Variants in TUBGCP2 observed in about 807,000 individuals in gnomAD.
TUBGCP2 encodes the protein gamma-tubulin complex component 2.
Under a neutral mutation model 92.2 loss-of-function variants are expected in TUBGCP2, and 55 were observed. The ratio of observed to expected loss-of-function variants is 0.60; its 90% CI spans 0.48 to 0.75. The LOEUF is 0.75. TUBGCP2 is among the 30% of genes least tolerant of loss of function. The pLI is 0.00. For synonymous variants in TUBGCP2, 533 were observed against 505.2 expected (o/e 1.06, Z -0.74); for missense variants, 1,093 against 1,188.9 (o/e 0.92, Z 1.19).
chr10:133,307,226 A>G (rs1179938088), intron 1 of TUBGCP2, among the ~76,000 whole-genome samples: 3 of 152,164 alleles, frequency 2.0e-5, no homozygotes, highest in Non-Finnish European at 2.9e-5. Context: ...ACACAAACTG[A>G]CAGGCCCAGC....
intron 16 of TUBGCP2, 186 bp from the exon 17 acceptor site, chr10:133,281,622 G>T: frequency 2.5e-6 from 2 of 785,674 alleles, no homozygotes; most frequent in Non-Finnish European, 3.9e-6. Flanking sequence ...TGAGAACCCA[G>T]CACTCAGAGA....
At chr10:133,307,480 A>G (rs1267153977) in intron 1 of TUBGCP2, among the ~76,000 whole-genome samples, 3 of 152,260 alleles carry the variant, frequency 2.0e-5, no homozygotes, top group Non-Finnish European at 4.4e-5. Flanking sequence ...CTTGTGGAAA[A>G]TGTCAAGAGC....
At chr10:133,299,924 G>A (rs754712185) in intron 3 of TUBGCP2, 61 bp downstream of exon 3, 14 of 1,592,216 alleles carry the variant, frequency 8.8e-6, no homozygotes, top group East Asian at 2.2e-5. Context: ...AGCAGGAGAC[G>A]CGACCCCACT....
Position 133,298,122 on chromosome 10 carries a change from C to G in TUBGCP2, c.457-11G>C, listed in dbSNP as rs1433975695. 1.9e-6 allele frequency: 3 copies of G among 1,609,188 alleles called. No individual in the cohort carries two copies. In the African/African-American group the frequency reaches 4.0e-5, roughly 22 times the overall value. On this transcript the variant is annotated splice_polypyrimidine_tract_variant and intron_variant, in intron 4 of 17. Transcript: ENST00000252936. ...TTTAAGTTCCAGAGACTAGCAAGGA[C>G]ATTTTAAAAAACAAAACCAGAAAGA...
intron 1 of TUBGCP2, among the ~76,000 whole-genome samples, chr10:133,307,873 G>A (rs1365684080): frequency 5.3e-5 from 8 of 152,220 alleles, no homozygotes; most frequent in Non-Finnish European, 7.3e-5. Flanking sequence ...CTTGCTCGTG[G>A]GCTACAAACC....
At position 133,283,212 on chromosome 10, in the gene TUBGCP2, T is replaced by C. The variant is rs1218655780; in HGVS notation, c.2155A>G (p.Ile719Val). The C allele has an allele frequency of 1.2e-6, 2 of 1,614,138 alleles. No individual in the cohort carries two copies. Among genetic ancestry groups the C allele is most frequent in the Middle Eastern group, 1.6e-4 (1 of 6,062 alleles). Residue 719 changes from isoleucine to valine, a missense_variant, in exon 15 of 18, where the codon ATT becomes GTT. Ile to Val is a conservative substitution (Grantham distance 29). This residue lies in a region of TUBGCP2 where 598 missense variants were observed against 675.5 expected (regional missense o/e 0.89). Coordinates refer to ENST00000252936, the MANE Select transcript of TUBGCP2 (RefSeq NM_006659.4). ...GTGTGGTGGCCAAGGACGTCGTCAA[T>C]GTTGGAGGCCTGCGGGGAACAGGCC... The part of the protein sequence containing the change: ...LEKNLKSASN[I>V]DDVLGHHTGF...
chr10:133,285,470 C>T lies in TUBGCP2; in HGVS notation c.1881G>A (p.Ser627=), dbSNP rs370556173. ...SFDYIVKWPL[S]LIINRKALTR... ...CCGACCCGCACCTGTTGATGATGAG[C>T]GAAAGGGGCCACTTGACGATGTAGT... The change falls in exon 12 of 18, where the codon TCG becomes TCA. Residue 627 remains serine, a synonymous_variant. Transcript: ENST00000252936. This position sits in a 1 kb window ranked among gnomAD's most constrained non-coding sequence, Gnocchi z 6.8. The T allele has an allele frequency of 1.2e-6, 2 of 1,613,546 alleles. No homozygotes were observed. The highest frequency in any genetic ancestry group is 1.7e-6 in the Non-Finnish European group (2 of 1,179,828).
In TUBGCP2 at chr10:133,278,857, G is replaced by C. The variant is rs534664938; in HGVS notation, c.*909C>G. On this transcript the variant is annotated 3_prime_UTR_variant, in exon 18 of 18. Coordinates refer to ENST00000252936, the MANE Select transcript of TUBGCP2 (RefSeq NM_006659.4). The stretch of plus-strand genomic sequence containing the variant: ...TCCAGGGCCCTTCCTCACTGCCCAA[G>C]GGGGCCGAGGTGCTGAGAGCTGAAG... The C allele has an allele frequency of 1.3e-5, 2 of 152,490 alleles. No homozygotes were observed. The highest frequency in any genetic ancestry group is 1.3e-4 in the Admixed American group (2 of 15,308). 9.4% of individuals were successfully genotyped at this position (152,490 alleles called of 1,614,324 possible). A position where few individuals can be genotyped will look rare whatever the true frequency, so the allele number is the denominator to read the frequency against.
intron 2 of TUBGCP2, 62 bp from the exon 3 acceptor site, chr10:133,300,175 C>A: frequency 6.4e-7 from 1 of 1,561,454 alleles, no homozygotes; most frequent in Non-Finnish European, 8.7e-7. Flanking sequence ...TAAAAAAAAA[C>A]CTTTACGAAA....
chr10:133,286,353 T>C (rs1847132939), intron 11 of TUBGCP2, among the ~76,000 whole-genome samples: 1 of 152,154 alleles, frequency 6.6e-6, no homozygotes, highest in Non-Finnish European at 1.5e-5. Flanking sequence ...CTACCAGGAA[T>C]TTTTCCTACG....
chr10:133,293,675 G>T lies in TUBGCP2; in HGVS notation c.711C>A (p.Pro237=). The T allele has an allele frequency of 6.2e-7, 1 of 1,601,700 alleles. No individual in the cohort carries two copies. The change falls in exon 6 of 18, where the codon CCC becomes CCA. Residue 237 remains proline (P), a synonymous_variant. Transcript: ENST00000252936. ...AGGTCCGGCTCTGCCTCCCAGCCAG[G>T]GGCTGAGCACTGACGTACCTCCCGT... The part of the protein sequence containing the change: ...GVDGRYVSAQ[P]LAGRQSRTFL...
intron 8 of TUBGCP2, 137 bp from the exon 9 acceptor site, chr10:133,290,106 C>G: frequency 8.1e-7 from 1 of 1,230,116 alleles, no homozygotes; most frequent in East Asian, 2.5e-5. Flanking sequence ...AAGGGCCGAG[C>G]CTAATCTACC....
At chr10:133,309,187 T>C, upstream of TUBGCP2, 1 of 1,376,706 alleles carries the variant, frequency 7.3e-7, no homozygotes, top group Non-Finnish European at 9.5e-7. Context: ...GGGAGGGGCC[T>C]ACGACTGCGG....
intron 16 of TUBGCP2, 128 bp from the exon 17 acceptor site, chr10:133,281,564 T>C: frequency 8.1e-6 from 10 of 1,235,758 alleles, no homozygotes; most frequent in Non-Finnish European, 1.1e-5. Flanking sequence ...ATGGGTTCCA[T>C]GATGTTTTCA....
rs751172778 is a variant in TUBGCP2 at position 133,288,807 on chromosome 10, G to C, written c.1541+33C>G. 1.9e-6 allele frequency: 3 copies of C among 1,554,764 alleles called. No homozygotes were observed. The African/African-American group carries it at 4.1e-5, about 21-fold the overall frequency. ...ACAGGTTCCGGTTTCAGAGGGAGGTGAGTGCCCGCACAGGGACAGGGCACG... is the reference window on the plus strand; with the variant it reads ...ACAGGTTCCGGTTTCAGAGGGAGGTCAGTGCCCGCACAGGGACAGGGCACG... On this transcript the variant is annotated intron_variant, in intron 10 of 17. Coordinates refer to ENST00000252936, the MANE Select transcript of TUBGCP2 (RefSeq NM_006659.4).
chr10:133,304,495 A>G (rs1029726538), intron 1 of TUBGCP2, among the ~76,000 whole-genome samples: 7 of 152,212 alleles, frequency 4.6e-5, no homozygotes, highest in African/African-American at 1.7e-4. Flanking sequence ...TGACCCTTCA[A>G]CAAATTCTCA....
chr10:133,281,361 A>T lies in TUBGCP2; in HGVS notation c.2485T>A (p.Phe829Ile). 6.2e-7 allele frequency: 1 copy of T among 1,613,892 alleles called. No individual in the cohort carries two copies. Among genetic ancestry groups the T allele is most frequent in the South Asian group, 1.1e-5 (1 of 91,076 alleles). ...AGGAGGTCCAGCAGGTGGGCTGAGA[A>T]GTTCTTGTCAAACTTGTTGATGGTG... ...EATINKFDKN[F>I]SAHLLDLLAR... The change falls in exon 17 of 18, where the codon TTC (phenylalanine) becomes ATC (isoleucine). Residue 829 changes from phenylalanine (F) to isoleucine (I), a missense_variant. Phe to Ile is a conservative substitution (Grantham distance 21). Transcript: ENST00000252936.
intron 1 of TUBGCP2, 94 bp downstream of exon 1, chr10:133,308,729 G>A (rs1847891436): frequency 3.1e-6 from 1 of 319,864 alleles, no homozygotes; most frequent in African/African-American, 2.2e-5. Context: ...GAAGAGCCGC[G>A]TCCCGCCAGC....
chr10:133,299,364 T>G (rs909416331), intron 4 of TUBGCP2, 63 bp downstream of exon 4: 81 of 1,442,946 alleles, frequency 5.6e-5, no homozygotes, highest in Non-Finnish European at 6.8e-5. Context: ...TGGGTGCCTG[T>G]GGACGCCACG....
Sources: allele counts gnomAD v4.1 joint callset (sites outside exome capture counted in the v4.1 genomes callset), GRCh38; gene constraint gnomAD v4.1.1; regional missense constraint gnomAD v4.1.1; non-coding constraint Gnocchi (gnomAD v3.1); transcripts MANE v1.5; gene names NCBI Gene and HGNC (gene_info 2026-07-23, HGNC 2026-07-21).